Variants in ZNF227 observed in about 807,000 individuals in gnomAD.
ZNF227 encodes the protein zinc finger protein 227.
ZNF227 carries 12 observed loss-of-function variants against 13.2 expected under a neutral mutation model. The observed-to-expected ratio is 0.91, with a 90% CI of 0.58 to 1.47. The LOEUF is 1.47. Among genes scored for constraint, ZNF227 ranks in the 40% most tolerant of loss-of-function variants. ZNF227 has a pLI of 0.00. For missense variants in ZNF227, 885 were observed against 967.5 expected (o/e 0.91, Z 1.13); for synonymous variants, 338 against 326.0 (o/e 1.04, Z -0.40).
At chr19:44,210,001 G>A (rs900544617), upstream of ZNF227, among the ~76,000 whole-genome samples, 1 of 152,256 alleles carries the variant, frequency 6.6e-6, no homozygotes, top group Non-Finnish European at 1.5e-5. Flanking sequence ...GACTGGTAAG[G>A]AGGGGTTTAG....
intron 2 of ZNF227, among the ~76,000 whole-genome samples, chr19:44,214,528 C>T (rs1295319426): frequency 6.6e-6 from 1 of 152,012 alleles, no homozygotes; most frequent in Admixed American, 6.5e-5. Context: ...CAGGTGTGCG[C>T]CATCACTCCC....
intron 5 of ZNF227, among the ~76,000 whole-genome samples, chr19:44,230,575 T>C (rs774727272): frequency 3.5e-4 from 53 of 152,114 alleles, no homozygotes; most frequent in Non-Finnish European, 7.4e-4. Context: ...CTCATTGCCT[T>C]GGTGGAGAGG....
chr19:44,222,422 ATCC>A (rs1664820913), intron 3 of ZNF227, among the ~76,000 whole-genome samples: 1 of 151,572 alleles, frequency 6.6e-6, no homozygotes, highest in Non-Finnish European at 1.5e-5. Context: ...ATTTGTTTGT[ATCC>A]TCTTTTATTT....
At chr19:44,225,263 G>T (rs1481278850) in intron 3 of ZNF227, among the ~76,000 whole-genome samples, 1 of 151,472 alleles carries the variant, frequency 6.6e-6, no homozygotes, top group East Asian at 1.9e-4. Flanking sequence ...TGCTCTTCTC[G>T]AGGAGTATCT....
intron 5 of ZNF227, 56 bp downstream of exon 5, chr19:44,229,872 A>G (rs1026654082): frequency 1.6e-6 from 2 of 1,289,732 alleles, no homozygotes; most frequent in Non-Finnish European, 2.1e-6. Flanking sequence ...GTTAGTCTGC[A>G]TCTTACCATG....
chr19:44,235,940 G>C lies in ZNF227; in HGVS notation c.1510G>C (p.Ala504Pro), dbSNP rs1212014184. Reference protein sequence around the residue: ...CKECGKGFSQASNLQVHQNVH... With the variant: ...CKECGKGFSQPSNLQVHQNVH... ...GGAGTGTGGTAAGGGCTTCAGTCAG[G>C]CTTCAAATCTTCAAGTCCATCAGAA... The change falls in exon 6 of 6, where the codon GCT becomes CCT. Residue 504 changes from alanine (A) to proline (P), a missense_variant. By Grantham distance (27) the Ala-to-Pro change is conservative (BLOSUM62 -1). Coordinates refer to ENST00000313040, the MANE Select transcript of ZNF227 (RefSeq NM_182490.3). 1.9e-6 allele frequency: 3 copies of C among 1,613,396 alleles called. No homozygotes were observed. The highest frequency in any genetic ancestry group is 2.5e-6 in the Non-Finnish European group (3 of 1,179,842).
At chr19:44,232,636 T>G (rs918848272) in intron 5 of ZNF227, among the ~76,000 whole-genome samples, 4 of 152,118 alleles carry the variant, frequency 2.6e-5, no homozygotes, top group African/African-American at 9.7e-5. Context: ...CTTAAGAGCT[T>G]TCATTTAATC....
chr19:44,217,245 TGA>T (rs1452531421), intron 2 of ZNF227, among the ~76,000 whole-genome samples: 5 of 152,076 alleles, frequency 3.3e-5, no homozygotes, highest in African/African-American at 1.2e-4. Context: ...ATTACAAGCA[TGA>T]GCCACTGTGC....
At chr19:44,213,996 G>T (rs1180368954) in intron 2 of ZNF227, among the ~76,000 whole-genome samples, 1 of 152,200 alleles carries the variant, frequency 6.6e-6, no homozygotes, top group Non-Finnish European at 1.5e-5. Flanking sequence ...TGCTGTAAGT[G>T]TTAAATACAC....
upstream of ZNF227, among the ~76,000 whole-genome samples, chr19:44,212,309 C>T (rs1320268247): frequency 6.6e-6 from 1 of 150,774 alleles, no homozygotes; most frequent in Non-Finnish European, 1.5e-5. Flanking sequence ...TGTTGTAGTC[C>T]GGGAGCTCCG....
Position 44,235,712 on chromosome 19 carries a change from A to G in ZNF227, c.1282A>G (p.Arg428Gly), listed in dbSNP as rs759765692. Residue 428 changes from arginine to glycine, a missense_variant, in exon 6 of 6, where the codon AGA becomes GGA. Arg to Gly is a moderately radical substitution (Grantham distance 125). Transcript: ENST00000313040. ...TQAAHFHIHQ[R>G]VHTGEKPYKC... The stretch of plus-strand genomic sequence containing the variant: ...GGCTGCACATTTTCACATCCATCAG[A>G]GAGTCCACACTGGAGAGAAACCCTA... 6.2e-7 allele frequency: 1 copy of G among 1,614,138 alleles called. No individual in the cohort carries two copies. Among genetic ancestry groups the G allele is most frequent in the South Asian group, 1.1e-5 (1 of 91,078 alleles).
upstream of ZNF227, among the ~76,000 whole-genome samples, chr19:44,212,248 G>C (rs1028693128): frequency 3.3e-5 from 5 of 151,798 alleles, no homozygotes; most frequent in African/African-American, 1.2e-4. Context: ...TGACATCAGA[G>C]AACTGCTTCA....
Position 44,236,023 on chromosome 19 carries a change from G to A in ZNF227, c.1593G>A (p.Gln531=), listed in dbSNP as rs903658015. 2 of 1,613,448 alleles carry A rather than the reference G, an allele frequency of 1.2e-6. No individual in the cohort carries two copies. Among genetic ancestry groups the A allele is most frequent in the Admixed American group, 3.3e-5 (2 of 59,938 alleles). Residue 531 remains glutamine, a synonymous_variant, in exon 6 of 6, where the codon CAG becomes CAA. Transcript: ENST00000313040. ...KCETCGKGFS[Q]SSKLQTHQRV... ...AAACGTGTGGGAAGGGCTTCAGTCAGTCCTCAAAGCTTCAAACCCATCAGC... is the reference window on the plus strand; with the variant it reads ...AAACGTGTGGGAAGGGCTTCAGTCAATCCTCAAAGCTTCAAACCCATCAGC...
In ZNF227 at chr19:44,229,473, G is replaced by C. The variant is rs141506764; in HGVS notation, c.188-260G>C. ...CTAAAAATGCAAAAATTAGCCGGGTGTGGTGGCAGGTGCCTGTAATCCCAA... is the reference window on the plus strand; with the variant it reads ...CTAAAAATGCAAAAATTAGCCGGGTCTGGTGGCAGGTGCCTGTAATCCCAA... On this transcript the variant is annotated intron_variant, in intron 4 of 5. Transcript: ENST00000313040. 3.8e-3 allele frequency among the ~76,000 whole-genome samples: 571 copies of C among 152,218 alleles called. 1 individual carries two copies. The highest frequency in any genetic ancestry group is 0.013 in the African/African-American group (552 of 41,540).
intron 2 of ZNF227, 57 bp from the exon 3 acceptor site, chr19:44,217,734 A>G (rs1972039660): frequency 1.0e-5 from 16 of 1,577,186 alleles, no homozygotes; most frequent in Admixed American, 3.3e-5. Flanking sequence ...ATTTCCTCAT[A>G]TGTACACATG....
chr19:44,218,607 G>T (rs1196799972), intron 3 of ZNF227, among the ~76,000 whole-genome samples: 1 of 152,172 alleles, frequency 6.6e-6, no homozygotes, highest in Non-Finnish European at 1.5e-5. Flanking sequence ...CTACATGTAC[G>T]TAAGGTCTAG....
At position 44,236,507 on chromosome 19, in the gene ZNF227, T is replaced by A; in HGVS notation, c.2077T>A (p.Cys693Ser). The A allele has an allele frequency of 6.2e-7, 1 of 1,613,812 alleles. No individual in the cohort carries two copies. The highest frequency in any genetic ancestry group is 8.5e-7 in the Non-Finnish European group (1 of 1,179,980). ...TGEKPYKCEE[C>S]GKGFGRSLNL... ...AGAAAAACCTTACAAATGTGAAGAG[T>A]GTGGGAAAGGCTTTGGTAGGAGCTT... Residue 693 changes from cysteine to serine, a missense_variant, in exon 6 of 6, where the codon TGT becomes AGT. Transcript: ENST00000313040.
At position 44,234,551 on chromosome 19, in the gene ZNF227, C is replaced by T. The variant is rs190103098; in HGVS notation, c.272-151C>T. ...GTTTACACCTGTATGAAAAACATGT[C>T]AAAAGAATACACGATGCTGTAAGGA... On this transcript the variant is annotated intron_variant, in intron 5 of 5. Transcript: ENST00000313040. 97 of 706,698 alleles carry T rather than the reference C, an allele frequency of 1.4e-4. No homozygotes were observed. The African/African-American group carries it at 1.6e-3, about 12-fold the overall frequency. The allele number at this position is 706,698 out of a possible 1,614,324, so 43.8% of individuals were successfully genotyped here.
chr19:44,232,687 A>G (rs1052331309), intron 5 of ZNF227, among the ~76,000 whole-genome samples: 41 of 143,544 alleles, frequency 2.9e-4, no homozygotes, highest in African/African-American at 1.1e-3. Context: ...TTTTTTTTGT[A>G]GACGGAGTCA....
Sources: allele counts gnomAD v4.1 joint callset (sites outside exome capture counted in the v4.1 genomes callset), GRCh38; gene constraint gnomAD v4.1.1; transcripts MANE v1.5; gene names NCBI Gene and HGNC (gene_info 2026-07-23, HGNC 2026-07-21).